The following BTBD9 variants were observed in gnomAD, a reference collection of about 807,000 sequenced individuals.
BTBD9 encodes the protein BTB domain containing 9.
Under a neutral mutation model 64.3 loss-of-function variants are expected in BTBD9, and 49 were observed. That is an observed-to-expected ratio of 0.76 (90% CI 0.61 to 0.97). The LOEUF (loss-of-function observed/expected upper bound fraction) is 0.97, where lower values mean the gene tolerates loss of function less well. BTBD9 is among the 50% of genes least tolerant of loss of function. BTBD9 has a pLI of 0.00. For missense variants in BTBD9, 598 were observed against 762.1 expected (o/e 0.78, Z 2.53); for synonymous variants, 260 against 274.7 (o/e 0.95, Z 0.53).
At chr6:38,466,346 G>A (rs1478912953) in intron 6 of BTBD9, among the ~76,000 whole-genome samples, 4 of 126,700 alleles carry the variant, frequency 3.2e-5, no homozygotes, top group African/African-American at 1.2e-4. Flanking sequence ...AGGCTGGAGT[G>A]CAATGGAGCT....
At chr6:38,270,490 C>T (rs1765162452) in intron 8 of BTBD9, among the ~76,000 whole-genome samples, 1 of 152,096 alleles carries the variant, frequency 6.6e-6, no homozygotes, top group South Asian at 2.1e-4. Flanking sequence ...GCACTGAATC[C>T]CCAAGAGCCA....
In BTBD9 at chr6:38,228,349, C is replaced by T. The variant is rs369563953; in HGVS notation, c.1562+28060G>A. ...GACAGGGCAAGACCCTGTCCCCCCC[C>T]CCAAAAAAAAAAAAAAAAAAAGAGA... On this transcript the variant is annotated intron_variant, in intron 9 of 10. Coordinates refer to ENST00000481247, the MANE Select transcript of BTBD9 (RefSeq NM_001099272.2). 3.6e-3 allele frequency among the ~76,000 whole-genome samples: 249 copies of T among 68,350 alleles called. 2 individuals are homozygous for T. Among genetic ancestry groups the T allele is most frequent in the African/African-American group, 0.012 (240 of 20,160 alleles). The allele number at this position is 68,350 out of a possible 152,430, so 44.8% of individuals were successfully genotyped here.
intron 7 of BTBD9, among the ~76,000 whole-genome samples, chr6:38,316,336 G>A (rs566054284): frequency 3.3e-5 from 5 of 152,230 alleles, no homozygotes; most frequent in South Asian, 2.1e-4. Context: ...ACTTACTCCT[G>A]CCATTTTATT....
At position 38,337,827 on chromosome 6, in the gene BTBD9, G is replaced by A. The variant is rs978243067; in HGVS notation, c.1264+7157C>T. On this transcript the variant is annotated intron_variant, in intron 7 of 10. Coordinates refer to ENST00000481247, the MANE Select transcript of BTBD9 (RefSeq NM_001099272.2). ...CAGAGGCTAAACCTTTGAAAACTACGGTTTCCCAGACTCCCCTTACCAGCC... is the reference window on the plus strand; with the variant it reads ...CAGAGGCTAAACCTTTGAAAACTACAGTTTCCCAGACTCCCCTTACCAGCC... 3.3e-5 allele frequency among the ~76,000 whole-genome samples: 5 copies of A among 152,200 alleles called. No homozygotes were observed. In the East Asian group the frequency reaches 7.7e-4, roughly 23 times the overall value.
intron 7 of BTBD9, among the ~76,000 whole-genome samples, chr6:38,313,751 T>C (rs1039787758): frequency 6.8e-6 from 1 of 147,602 alleles, no homozygotes; most frequent in African/African-American, 2.5e-5. Context: ...AATTATCTTT[T>C]TTTTTTTTTT....
chr6:38,243,453 A>G (rs1241627475), intron 9 of BTBD9, among the ~76,000 whole-genome samples: 1 of 152,208 alleles, frequency 6.6e-6, no homozygotes, highest in African/African-American at 2.4e-5. Context: ...GACGTAGAGT[A>G]TAGAAATTCT....
chr6:38,406,346 G>T (rs1434419915), intron 6 of BTBD9, among the ~76,000 whole-genome samples: 2 of 152,220 alleles, frequency 1.3e-5, no homozygotes, highest in Non-Finnish European at 1.5e-5. Context: ...TTGTGTGTGT[G>T]TTTTTTTAAT....
intron 6 of BTBD9, among the ~76,000 whole-genome samples, chr6:38,564,976 C>T (rs1165275245): frequency 2.0e-5 from 3 of 151,898 alleles, no homozygotes; most frequent in African/African-American, 7.2e-5. Context: ...CATTTTTTTT[C>T]TTAAATAATA....
chr6:38,177,378 G>A (rs559601917), intron 10 of BTBD9, among the ~76,000 whole-genome samples: 157 of 152,186 alleles, frequency 1.0e-3, no homozygotes, highest in Middle Eastern at 3.4e-3. Context: ...GGTGCCTCCC[G>A]CTCCGTGGCC....
chr6:38,217,484 G>A (rs978941555), intron 9 of BTBD9, among the ~76,000 whole-genome samples: 2 of 152,154 alleles, frequency 1.3e-5, no homozygotes, highest in South Asian at 4.2e-4. Context: ...GAGGATGAGG[G>A]ACTGACATGG....
At position 38,222,346 on chromosome 6, in the gene BTBD9, T is replaced by C. The variant is rs567336072; in HGVS notation, c.1563-29749A>G. ...TGCGATCTCGGCTTACTGCAAGCTCTGCCTCCCGGGTTCACGCCATTCTCC... is the reference window on the plus strand; with the variant it reads ...TGCGATCTCGGCTTACTGCAAGCTCCGCCTCCCGGGTTCACGCCATTCTCC... On this transcript the variant is annotated intron_variant, in intron 9 of 10. Transcript: ENST00000481247. Among the ~76,000 whole-genome samples, 620 of 142,404 alleles carry C rather than the reference T, an allele frequency of 4.4e-3. 3 individuals are homozygous for C. The highest frequency in any genetic ancestry group is 0.026 in the Middle Eastern group (7 of 266). The allele number at this position is 142,404 out of a possible 152,430, so 93.4% of individuals were successfully genotyped here.
intron 9 of BTBD9, among the ~76,000 whole-genome samples, chr6:38,219,437 C>T (rs1204993737): frequency 2.0e-5 from 3 of 151,828 alleles, no homozygotes; most frequent in Non-Finnish European, 4.4e-5. Context: ...CCACCATGCC[C>T]GGCCTCACTT....
intron 9 of BTBD9, among the ~76,000 whole-genome samples, chr6:38,199,369 C>G (rs1762379562): frequency 6.6e-6 from 1 of 152,150 alleles, no homozygotes; most frequent in African/African-American, 2.4e-5. Context: ...GAAAGAGCTA[C>G]AGATACTGAA....
intron 9 of BTBD9, among the ~76,000 whole-genome samples, chr6:38,234,677 A>G (rs2127519788): frequency 6.6e-6 from 1 of 152,356 alleles, no homozygotes; most frequent in African/African-American, 2.4e-5. Context: ...TAGGAATGGC[A>G]TCTTACAGAC....
At chr6:38,374,283 G>GTATATATATATACATATA (rs1554143528) in intron 6 of BTBD9, among the ~76,000 whole-genome samples, 2 of 45,474 alleles carry the variant, frequency 4.4e-5, no homozygotes, top group African/African-American at 3.2e-4. Flanking sequence ...AAAAAAAAAA[G>GTATATATATATACATATA]TATATATATA....
At chr6:38,515,604 T>C (rs796905170) in intron 6 of BTBD9, among the ~76,000 whole-genome samples, 8 of 152,316 alleles carry the variant, frequency 5.3e-5, no homozygotes, top group African/African-American at 1.9e-4. Flanking sequence ...TTCAATATCC[T>C]CTCTCCATAC....
intron 7 of BTBD9, among the ~76,000 whole-genome samples, chr6:38,291,367 T>G (rs1352935981): frequency 1.3e-5 from 2 of 152,250 alleles, no homozygotes; most frequent in Non-Finnish European, 2.9e-5. Flanking sequence ...TTTGCTGAAG[T>G]TGCTTATCAG....
At position 38,315,444 on chromosome 6, in the gene BTBD9, C is replaced by T. The variant is rs142498801; in HGVS notation, c.1265-26983G>A. On this transcript the variant is annotated intron_variant, in intron 7 of 10. Transcript: ENST00000481247. ...CAGCTATAAACTTCTCTTTTAGTAC[C>T]GCTTTCGCTGTATCCCACAGTTTTG... Among the ~76,000 whole-genome samples, 321 of 151,470 alleles carry T rather than the reference C, an allele frequency of 2.1e-3. 1 individual carries two copies. Among genetic ancestry groups the T allele is most frequent in the African/African-American group, 7.3e-3 (303 of 41,378 alleles).
intron 6 of BTBD9, among the ~76,000 whole-genome samples, chr6:38,489,048 A>T (rs186739459): frequency 6.6e-6 from 1 of 151,862 alleles, no homozygotes; most frequent in African/African-American, 2.4e-5. Flanking sequence ...GGCATGCTTC[A>T]CTATGCTTGG....
Sources: allele counts gnomAD v4.1 joint callset (sites outside exome capture counted in the v4.1 genomes callset), GRCh38; gene constraint gnomAD v4.1.1; transcripts MANE v1.5; gene names NCBI Gene and HGNC (gene_info 2026-07-23, HGNC 2026-07-21).